Variants in COL5A2 observed in about 807,000 individuals in gnomAD.
COL5A2 encodes the protein collagen type V alpha 2 chain.
In COL5A2, 23 loss-of-function variants were observed where a neutral mutation model predicts 208.2. The observed-to-expected ratio is 0.11, with a 90% CI of 0.08 to 0.16. The LOEUF is 0.16. Ranked by LOEUF, COL5A2 falls within the 10% of genes least tolerant of loss-of-function variation. The probability of loss-of-function intolerance (pLI) is 1.00; values close to 1 mark genes in which losing one functional copy is unlikely to be tolerated. For synonymous variants in COL5A2, 625 were observed against 628.5 expected, an observed-to-expected ratio of 0.99 and a Z score of 0.08; for missense variants, 1,590 against 1,956.4, an observed-to-expected ratio of 0.81 and a Z score of 3.53.
the COL5A2 span, among the ~76,000 whole-genome samples, chr2:189,320,628 A>C: frequency 2.6e-5 from 4 of 152,204 alleles, no homozygotes; most frequent in Non-Finnish European, 4.4e-5. Context: ...AAAGAATAAG[A>C]AGAAATCAAC....
chr2:189,378,170 G>A, the COL5A2 span, among the ~76,000 whole-genome samples: 1 of 152,062 alleles, frequency 6.6e-6, no homozygotes, highest in Non-Finnish European at 1.5e-5. Flanking sequence ...AATTCCAACG[G>A]TGATTTCTTT....
chr2:189,060,701 GT>G, intron 31 of COL5A2, 28 bp downstream of exon 31: 1 of 1,582,706 alleles, frequency 6.3e-7, no homozygotes, highest in Non-Finnish European at 8.7e-7. Context: ...AATGTATAGT[GT>G]TGCCATTATT....
intron 1 of COL5A2, among the ~76,000 whole-genome samples, chr2:189,179,271 T>C (rs772977259): frequency 6.6e-6 from 1 of 152,156 alleles, no homozygotes; most frequent in Non-Finnish European, 1.5e-5. Context: ...AAAGGACTTA[T>C]TGTAGGCTTT....
chr2:189,342,514 T>TAATATATATGTATATATTCATATA, the COL5A2 span, among the ~76,000 whole-genome samples: 1 of 148,568 alleles, frequency 6.7e-6, no homozygotes, highest in Admixed American at 6.8e-5. Context: ...TATATACATA[T>TAATATATATGTATATATTCATATA]ATATAAACCC....
At position 189,063,124 on chromosome 2, in the gene COL5A2, A is replaced by G. The variant is rs780740158; in HGVS notation, c.1869+48T>C. ...AATTTGTCAAAAACATACCTCCTCC[A>G]AATGAGGATCATGATGAGGTGGCCA... On this transcript the variant is annotated intron_variant, in intron 27 of 53. Transcript: ENST00000374866. The G allele has an allele frequency of 3.7e-6, 6 of 1,609,352 alleles. No individual in the cohort carries two copies. In the East Asian group the frequency reaches 1.3e-4, roughly 36 times the overall value.
At chr2:189,400,427 C>G in the COL5A2 span, among the ~76,000 whole-genome samples, 1 of 152,092 alleles carries the variant, frequency 6.6e-6, no homozygotes, top group Non-Finnish European at 1.5e-5. Context: ...TTAGCCATAC[C>G]AAATATTCCA....
chr2:189,079,669 AT>A (rs1204832383), intron 14 of COL5A2, among the ~76,000 whole-genome samples: 2 of 152,164 alleles, frequency 1.3e-5, no homozygotes, highest in Admixed American at 6.5e-5. Flanking sequence ...CCTTTCAGAT[AT>A]TTTTTAAAAA....
chr2:189,407,862 G>T, the COL5A2 span, among the ~76,000 whole-genome samples: 1,109 of 152,264 alleles, frequency 7.3e-3, 17 homozygotes, highest in African/African-American at 0.025. Flanking sequence ...CAGGAAATGA[G>T]AATTTCTCTG....
rs767449031 is a variant in COL5A2 at position 189,052,758 on chromosome 2, T to C, written c.2706A>G (p.Gln902=). The C allele has an allele frequency of 2.5e-6, 4 of 1,614,160 alleles. No homozygotes were observed. Among genetic ancestry groups the C allele is most frequent in the Non-Finnish European group, 3.4e-6 (4 of 1,179,988 alleles). The change falls in exon 40 of 54, where the codon CAA becomes CAG. Residue 902 remains glutamine (Q), a synonymous_variant. Coordinates refer to ENST00000374866, the MANE Select transcript of COL5A2 (RefSeq NM_000393.5). ...CATCAAATAAACTTACAGGCGGACC[T>C]TGGGTTCCTCGACCACCTTTTAGTC... ...VPGLKGGRGT[Q]GPPGATGFPG...
chr2:189,436,475 G>C, the COL5A2 span, among the ~76,000 whole-genome samples: 1 of 152,032 alleles, frequency 6.6e-6, no homozygotes, highest in African/African-American at 2.4e-5. Context: ...GTATACATAT[G>C]TAACAAACTT....
intron 43 of COL5A2, among the ~76,000 whole-genome samples, chr2:189,050,302 G>GA (rs1358904800): frequency 6.6e-6 from 1 of 152,108 alleles, no homozygotes; most frequent in Non-Finnish European, 1.5e-5. Flanking sequence ...TTTAATCTTT[G>GA]AAGAAGGATT....
intron 21 of COL5A2, among the ~76,000 whole-genome samples, chr2:189,067,385 C>T (rs913026542): frequency 1.3e-5 from 2 of 151,952 alleles, no homozygotes; most frequent in African/African-American, 4.8e-5. Context: ...AATCTGTCAC[C>T]AGCACTTTAA....
the COL5A2 span, among the ~76,000 whole-genome samples, chr2:189,295,050 C>A: frequency 1.3e-5 from 2 of 151,758 alleles, no homozygotes; most frequent in African/African-American, 4.8e-5. Context: ...CTCAAGCAAT[C>A]CTCTTGCCTC....
Position 189,096,412 on chromosome 2 carries a change from C to A in COL5A2, c.456+865G>T, listed in dbSNP as rs558385052. ...AAAAAACGTTGTAGGGAGGCCGAGG[C>A]GGGCGGATCACATCCTGGCTAACAC... On this transcript the variant is annotated intron_variant, in intron 6 of 53. Coordinates refer to ENST00000374866, the MANE Select transcript of COL5A2 (RefSeq NM_000393.5). Among the ~76,000 whole-genome samples the A allele has an allele frequency of 4.0e-5, 6 of 151,618 alleles. No homozygotes were observed. The East Asian group carries it at 1.2e-3, about 29-fold the overall frequency.
intron 1 of COL5A2, among the ~76,000 whole-genome samples, chr2:189,129,905 G>A (rs1008417829): frequency 8.6e-5 from 13 of 152,014 alleles, no homozygotes; most frequent in African/African-American, 3.1e-4. Flanking sequence ...TAAATTATAT[G>A]AGCATATGTG....
chr2:189,323,185 C>T, the COL5A2 span, among the ~76,000 whole-genome samples: 1 of 152,112 alleles, frequency 6.6e-6, no homozygotes, highest in Non-Finnish European at 1.5e-5. Flanking sequence ...ATAATAAGAG[C>T]TATTTATGAC....
chr2:189,278,947 T>C, the COL5A2 span, among the ~76,000 whole-genome samples: 1 of 152,044 alleles, frequency 6.6e-6, no homozygotes, highest in East Asian at 1.9e-4. Context: ...CCCTACATTT[T>C]GGTTACATTT....
the COL5A2 span, among the ~76,000 whole-genome samples, chr2:189,245,476 C>T: frequency 7.4e-6 from 1 of 134,462 alleles, no homozygotes; most frequent in East Asian, 2.4e-4. Context: ...TTAAGGTATA[C>T]TCAAAATTTT....
chr2:189,360,741 C>T, the COL5A2 span, among the ~76,000 whole-genome samples: 780 of 152,226 alleles, frequency 5.1e-3, 7 homozygotes, highest in African/African-American at 0.018. Flanking sequence ...GACCCACATG[C>T]GTTAGCTATT....
Sources: gnomAD v4.1 joint callset for allele counts (sites outside exome capture counted in the v4.1 genomes callset) on GRCh38, gnomAD v4.1.1 for gene constraint, MANE v1.5 for transcripts, NCBI Gene and HGNC (gene_info 2026-07-23, HGNC 2026-07-21) for gene names.